Variants in TNFRSF11A observed in about 807,000 individuals in gnomAD.
TNFRSF11A encodes the protein TNF receptor superfamily member 11a, also known as tumor necrosis factor receptor superfamily member 11A.
TNFRSF11A carries 32 observed loss-of-function variants against 55.7 expected under a neutral mutation model. That is an observed-to-expected ratio of 0.57 (90% CI 0.43 to 0.77). TNFRSF11A has a LOEUF of 0.77. TNFRSF11A is among the 30% of genes least tolerant of loss of function. TNFRSF11A has a pLI of 0.00. For synonymous variants in TNFRSF11A, 311 were observed against 331.0 expected (o/e 0.94, Z 0.65); for missense variants, 753 against 809.8 (o/e 0.93, Z 0.85).
chr18:62,384,395 C>T (rs1448466355), intron 9 of TNFRSF11A, among the ~76,000 whole-genome samples: 1 of 140,372 alleles, frequency 7.1e-6, no homozygotes, highest in Admixed American at 7.0e-5. Context: ...CCCTCCTCCT[C>T]CCCCCTTCTT....
chr18:62,384,854 G>T lies in TNFRSF11A; in HGVS notation c.1671G>T (p.Glu557Asp). ...IVVYVSQTSQ[E>D]GAAAAAEPMG... ...TCTACGTCAGCCAGACCTCGCAGGA[G>T]GGCGCGGCGGCGGCTGCGGAGCCCA... The change falls in exon 10 of 10, where the codon GAG (glutamate) becomes GAT (aspartate). Residue 557 changes from glutamate to aspartate, a missense_variant. Physicochemically the swap from Glu to Asp is conservative, Grantham distance 45. This residue lies in a region of TNFRSF11A where 567 missense variants were observed against 596.7 expected (regional missense o/e 0.95). Coordinates refer to ENST00000586569, the MANE Select transcript of TNFRSF11A (RefSeq NM_003839.4). 1 of 1,607,778 alleles carries T rather than the reference G, an allele frequency of 6.2e-7. No homozygotes were observed. The highest frequency in any genetic ancestry group is 8.5e-7 in the Non-Finnish European group (1 of 1,177,388).
intron 7 of TNFRSF11A, among the ~76,000 whole-genome samples, chr18:62,365,868 A>G (rs1408767778): frequency 6.6e-6 from 1 of 151,698 alleles, no homozygotes; most frequent in Non-Finnish European, 1.5e-5. Context: ...CCTAGGTTGG[A>G]GTGCAGTGGC....
chr18:62,369,352 C>T lies in TNFRSF11A; in HGVS notation c.1435C>T (p.Pro479Ser). 1 of 1,609,872 alleles carries T rather than the reference C, an allele frequency of 6.2e-7. No homozygotes were observed. The highest frequency in any genetic ancestry group is 1.3e-5 in the African/African-American group (1 of 74,976). ...CCAGTGCGCCTATGGCATGGGCCTTCCCCCTGAAGAAGAAGCCAGCAGGAC... is the reference window on the plus strand; with the variant it reads ...CCAGTGCGCCTATGGCATGGGCCTTTCCCCTGAAGAAGAAGCCAGCAGGAC... ...LPQCAYGMGL[P>S]PEEEASRTEA... Residue 479 changes from proline (P) to serine (S), a missense_variant, in exon 9 of 10, where the codon CCC (proline) becomes TCC (serine). This residue lies in a region of TNFRSF11A where 567 missense variants were observed against 596.7 expected (regional missense o/e 0.95). Transcript: ENST00000586569.
intron 9 of TNFRSF11A, among the ~76,000 whole-genome samples, chr18:62,370,624 A>G (rs1197534742): frequency 2.6e-5 from 4 of 152,188 alleles, no homozygotes; most frequent in Admixed American, 6.5e-5. Context: ...CTGCAGCTAC[A>G]TAGATTTACT....
rs946268234 is a variant in TNFRSF11A at position 62,387,286 on chromosome 18, A to C, written c.*2252A>C. 1 of 152,176 alleles carries C rather than the reference A, an allele frequency of 6.6e-6. No homozygotes were observed. The highest frequency in any genetic ancestry group is 1.5e-5 in the Non-Finnish European group (1 of 68,016). 9.4% of individuals were successfully genotyped at this position (152,176 alleles called of 1,614,324 possible). Reference sequence around the variant, plus strand: ...AACTCAATGCTAAAAAATGTATAGAAAATATAAGTCTGTGTCTGTGTACTG... The same window carrying C: ...AACTCAATGCTAAAAAATGTATAGACAATATAAGTCTGTGTCTGTGTACTG... On this transcript the variant is annotated 3_prime_UTR_variant, in exon 10 of 10. Coordinates refer to ENST00000586569, the MANE Select transcript of TNFRSF11A (RefSeq NM_003839.4).
chr18:62,332,971 T>C (rs747319184), intron 1 of TNFRSF11A, among the ~76,000 whole-genome samples: 7 of 152,090 alleles, frequency 4.6e-5, no homozygotes, highest in Non-Finnish European at 7.4e-5. Flanking sequence ...GAAGGATGAG[T>C]TCCGAGTGGA....
chr18:62,331,243 AAAT>A (rs2046148733), intron 1 of TNFRSF11A, among the ~76,000 whole-genome samples: 1 of 152,064 alleles, frequency 6.6e-6, no homozygotes, highest in Non-Finnish European at 1.5e-5. Context: ...ATAAATAAAT[AAAT>A]AAGACACGGC....
At chr18:62,332,843 T>C (rs2145242016) in intron 1 of TNFRSF11A, among the ~76,000 whole-genome samples, 1 of 152,338 alleles carries the variant, frequency 6.6e-6, no homozygotes, top group South Asian at 2.1e-4. Context: ...CTCAGGACGT[T>C]GCTGCCTCTG....
intron 1 of TNFRSF11A, among the ~76,000 whole-genome samples, chr18:62,330,485 G>A (rs1367979516): frequency 1.3e-5 from 2 of 152,204 alleles, no homozygotes; most frequent in East Asian, 3.8e-4. Context: ...GGACTCAGGG[G>A]TGTGGGGAGA....
At chr18:62,352,137 A>G (rs1258924691) in intron 3 of TNFRSF11A, among the ~76,000 whole-genome samples, 1 of 152,198 alleles carries the variant, frequency 6.6e-6, no homozygotes, top group African/African-American at 2.4e-5. Context: ...TCACATTTCT[A>G]TGAGGTGGCC....
At chr18:62,360,085 G>C in intron 6 of TNFRSF11A, 36 bp downstream of exon 6, 1 of 1,585,534 alleles carries the variant, frequency 6.3e-7, no homozygotes, top group East Asian at 2.2e-5. Context: ...TGATAGATGT[G>C]CCCCAGGGTG....
intron 1 of TNFRSF11A, among the ~76,000 whole-genome samples, chr18:62,333,534 G>C (rs1360567837): frequency 6.6e-6 from 1 of 152,206 alleles, no homozygotes; most frequent in Non-Finnish European, 1.5e-5. Flanking sequence ...ACTTTACACG[G>C]ATTATATCTA....
intron 4 of TNFRSF11A, among the ~76,000 whole-genome samples, chr18:62,356,890 A>G (rs1909300943): frequency 6.6e-6 from 1 of 152,194 alleles, no homozygotes; most frequent in Non-Finnish European, 1.5e-5. Context: ...TGTTACTAAG[A>G]GTCATATGGA....
At chr18:62,346,691 T>C (rs1050059284) in intron 1 of TNFRSF11A, among the ~76,000 whole-genome samples, 3 of 152,222 alleles carry the variant, frequency 2.0e-5, no homozygotes, top group Non-Finnish European at 4.4e-5. Context: ...AGGTCCGTGA[T>C]GGCTGTGTGC....
chr18:62,361,596 G>C (rs541813708), intron 6 of TNFRSF11A, 84 bp from the exon 7 acceptor site: 1 of 1,329,648 alleles, frequency 7.5e-7, no homozygotes, highest in Non-Finnish European at 1.1e-6. Context: ...TTGATTCTGA[G>C]GTTTGATTTA....
intron 2 of TNFRSF11A, 94 bp from the exon 3 acceptor site, chr18:62,349,718 A>T: frequency 2.7e-6 from 4 of 1,463,550 alleles, no homozygotes; most frequent in Non-Finnish European, 3.8e-6. Context: ...TATTGGTCCC[A>T]TAGATGGGTG....
intron 1 of TNFRSF11A, among the ~76,000 whole-genome samples, chr18:62,347,122 A>G (rs1324517450): frequency 6.6e-6 from 1 of 152,116 alleles, no homozygotes; most frequent in African/African-American, 2.4e-5. Context: ...CTGCTGAGGT[A>G]GGGCCCATCT....
At chr18:62,356,519 G>C (rs1382651880) in intron 4 of TNFRSF11A, among the ~76,000 whole-genome samples, 1 of 152,134 alleles carries the variant, frequency 6.6e-6, no homozygotes, top group African/African-American at 2.4e-5. Context: ...TTTGGAAATG[G>C]GTTCATTTTT....
intron 4 of TNFRSF11A, among the ~76,000 whole-genome samples, chr18:62,356,148 A>C (rs1323628952): frequency 1.3e-5 from 2 of 152,250 alleles, no homozygotes; most frequent in Non-Finnish European, 2.9e-5. Context: ...ACGACTTAAC[A>C]AATGATTATT....
Sources: gnomAD v4.1 joint callset for allele counts (sites outside exome capture counted in the v4.1 genomes callset) on GRCh38, gnomAD v4.1.1 for gene constraint, gnomAD v4.1.1 regional missense constraint, MANE v1.5 for transcripts, NCBI Gene and HGNC (gene_info 2026-07-23, HGNC 2026-07-21) for gene names.